The following PLEKHH2 variants were observed in gnomAD, a reference collection of about 807,000 sequenced individuals.
PLEKHH2 encodes the protein pleckstrin homology, MyTH4 and FERM domain containing H2.
A neutral mutation model predicts 187.9 loss-of-function variants in PLEKHH2; 129 were observed. The ratio of observed to expected loss-of-function variants is 0.69; its 90% CI spans 0.59 to 0.79. The LOEUF is 0.79. Ranked by LOEUF, PLEKHH2 falls within the 30% of genes least tolerant of loss-of-function variation. The pLI is 0.00. For synonymous variants in PLEKHH2, 686 were observed against 605.6 expected (o/e 1.13, Z -1.95); for missense variants, 2,076 against 1,751.2 (o/e 1.19, Z -3.31).
chr2:43,758,728 A>G (rs1234305170), intron 26 of PLEKHH2, among the ~76,000 whole-genome samples, 172 bp from the exon 27 acceptor site: 1 of 152,222 alleles, frequency 6.6e-6, no homozygotes, highest in African/African-American at 2.4e-5. Context: ...TCCAGAAAGG[A>G]CAAGTGATGG....
chr2:43,745,738 A>T lies in PLEKHH2; in HGVS notation c.3556-128A>T, dbSNP rs182774045. 1.1e-4 allele frequency: 67 copies of T among 624,888 alleles called. No homozygotes were observed. In the East Asian group the frequency reaches 1.8e-3, roughly 17 times the overall value. The allele number at this position is 624,888 out of a possible 1,614,324, so 38.7% of individuals were successfully genotyped here. On this transcript the variant is annotated intron_variant, in intron 23 of 29. Coordinates refer to ENST00000282406, the MANE Select transcript of PLEKHH2 (RefSeq NM_172069.4). ...AAACTCAGAGCCGCACAGAGGCTGA[A>T]AACAAAAAGCTTGAGTATATTTGGT...
At chr2:43,695,589 A>G (rs540219294) in intron 6 of PLEKHH2, among the ~76,000 whole-genome samples, 2 of 152,354 alleles carry the variant, frequency 1.3e-5, no homozygotes, top group East Asian at 1.9e-4. Flanking sequence ...CAGAGACATT[A>G]GCCTGGGAGG....
At chr2:43,691,375 G>A (rs540665629) in intron 3 of PLEKHH2, among the ~76,000 whole-genome samples, 1 of 152,366 alleles carries the variant, frequency 6.6e-6, no homozygotes, top group South Asian at 2.1e-4. Flanking sequence ...AGAATAGGGA[G>A]TGCGTGCTGA....
chr2:43,709,939 G>C, intron 11 of PLEKHH2, 51 bp from the exon 12 acceptor site: 13 of 1,517,630 alleles, frequency 8.6e-6, no homozygotes, highest in Non-Finnish European at 1.2e-5. Flanking sequence ...GCTGGTGTTT[G>C]GCCCTCCCCA....
chr2:43,696,630 G>C (rs1395097804), intron 6 of PLEKHH2, among the ~76,000 whole-genome samples: 2 of 151,196 alleles, frequency 1.3e-5, no homozygotes, highest in African/African-American at 4.9e-5. Flanking sequence ...TTATATTGTG[G>C]TTACCATAGA....
chr2:43,708,000 G>T (rs889604428), intron 11 of PLEKHH2, among the ~76,000 whole-genome samples: 2 of 152,208 alleles, frequency 1.3e-5, no homozygotes, highest in African/African-American at 2.4e-5. Context: ...CATTCTGTGT[G>T]TAGGTAGTGG....
chr2:43,738,541 A>G lies in PLEKHH2; in HGVS notation c.3123+21A>G, dbSNP rs1287598646. 2.6e-6 allele frequency: 4 copies of G among 1,557,102 alleles called. No homozygotes were observed. The East Asian group carries it at 6.8e-5, about 27-fold the overall frequency. On this transcript the variant is annotated intron_variant, in intron 20 of 29. Coordinates refer to ENST00000282406, the MANE Select transcript of PLEKHH2 (RefSeq NM_172069.4). ...TGCAGGTAGATATTAATATTGATAC[A>G]TATACATGCAATTTAAAGTGTTTTT...
chr2:43,649,374 T>C (rs1243472653), intron 2 of PLEKHH2, among the ~76,000 whole-genome samples: 1 of 152,226 alleles, frequency 6.6e-6, no homozygotes, highest in East Asian at 1.9e-4. Flanking sequence ...GAGAAAAATA[T>C]GAAGAATTTT....
chr2:43,738,650 T>C, intron 20 of PLEKHH2, 130 bp downstream of exon 20: 1 of 839,046 alleles, frequency 1.2e-6, no homozygotes, highest in Non-Finnish European at 1.8e-6. Context: ...GGTATTAATA[T>C]TTTGATGTCT....
intron 15 of PLEKHH2, among the ~76,000 whole-genome samples, chr2:43,719,317 T>A (rs1359457544): frequency 6.6e-6 from 1 of 152,252 alleles, no homozygotes; most frequent in East Asian, 1.9e-4. Context: ...CAATTTACAG[T>A]AATAGCTTTT....
At chr2:43,680,695 A>G (rs1668127363) in intron 3 of PLEKHH2, 1 of 406,860 alleles carries the variant, frequency 2.5e-6, no homozygotes. Flanking sequence ...ATTGAAGTCA[A>G]GTAAGCCTTC....
chr2:43,677,851 C>T (rs7602984), intron 2 of PLEKHH2, among the ~76,000 whole-genome samples: 4,881 of 147,734 alleles, frequency 0.033, 306 homozygotes, highest in African/African-American at 0.12. Flanking sequence ...ACCTCCCTCC[C>T]GGACGGGGCG....
chr2:43,697,842 A>T (rs1419134698), intron 7 of PLEKHH2, among the ~76,000 whole-genome samples: 1 of 152,200 alleles, frequency 6.6e-6, no homozygotes, highest in Non-Finnish European at 1.5e-5. Context: ...GGATAAATTG[A>T]TAACTCTTTG....
intron 2 of PLEKHH2, among the ~76,000 whole-genome samples, chr2:43,672,375 C>A (rs932260010): frequency 1.3e-5 from 2 of 151,740 alleles, no homozygotes; most frequent in Non-Finnish European, 2.9e-5. Flanking sequence ...TAATTTTATT[C>A]ATTTCTCCTC....
chr2:43,696,810 C>T (rs1166223050), intron 6 of PLEKHH2, among the ~76,000 whole-genome samples: 2 of 152,134 alleles, frequency 1.3e-5, no homozygotes, highest in African/African-American at 4.8e-5. Context: ...GCAAATTTTA[C>T]CAACGCTGAA....
At chr2:43,678,969 C>T (rs1668021546) in intron 3 of PLEKHH2, 44 bp downstream of exon 3, 1 of 1,320,712 alleles carries the variant, frequency 7.6e-7, no homozygotes, top group South Asian at 1.2e-5. Context: ...CTGTACTACT[C>T]ACATAAAGAT....
At chr2:43,749,212 A>G (rs1353261266) in intron 24 of PLEKHH2, among the ~76,000 whole-genome samples, 1 of 152,270 alleles carries the variant, frequency 6.6e-6, no homozygotes, top group Admixed American at 6.5e-5. Context: ...ATCACAAGGA[A>G]GGACAAAGAG....
chr2:43,760,910 T>C (rs1166814897), intron 27 of PLEKHH2, among the ~76,000 whole-genome samples: 1 of 152,272 alleles, frequency 6.6e-6, no homozygotes, highest in Non-Finnish European at 1.5e-5. Flanking sequence ...TGTTATTGGC[T>C]TATTTCACTT....
intron 19 of PLEKHH2, 68 bp from the exon 20 acceptor site, chr2:43,738,273 G>A (rs535167763): frequency 1.9e-5 from 24 of 1,267,632 alleles, no homozygotes; most frequent in East Asian, 7.2e-5. Flanking sequence ...AAAGATATTC[G>A]ATATAATTCA....
Sources: allele counts gnomAD v4.1 joint callset (sites outside exome capture counted in the v4.1 genomes callset), GRCh38; gene constraint gnomAD v4.1.1; transcripts MANE v1.5; gene names NCBI Gene and HGNC (gene_info 2026-07-23, HGNC 2026-07-21).